ARL15: variants seen among roughly 807,000 people sequenced by gnomAD.
The protein encoded by ARL15 is ADP-ribosylation factor-like protein 15.
Under a neutral mutation model 25.2 loss-of-function variants are expected in ARL15, and 19 were observed. That is an observed-to-expected ratio of 0.75 (90% CI 0.53 to 1.10). The LOEUF (loss-of-function observed/expected upper bound fraction) is 1.10. ARL15 is among the 50% of genes least tolerant of loss of function. The probability of loss-of-function intolerance (pLI) is 0.00; values close to 1 mark genes in which losing one functional copy is unlikely to be tolerated. For synonymous variants in ARL15, 94 were observed against 86.8 expected (o/e 1.08, Z -0.46); for missense variants, 220 against 246.0 (o/e 0.89, Z 0.71).
chr5:53,951,050 G>GA (rs1303276761), intron 4 of ARL15, among the ~76,000 whole-genome samples: 1 of 152,086 alleles, frequency 6.6e-6, no homozygotes, highest in Non-Finnish European at 1.5e-5. Flanking sequence ...ATGGTTGGGG[G>GA]AAAAAAATCA....
At chr5:54,142,737 A>G (rs1171938811) in intron 3 of ARL15, among the ~76,000 whole-genome samples, 1 of 152,186 alleles carries the variant, frequency 6.6e-6, no homozygotes, top group East Asian at 1.9e-4. Flanking sequence ...GGAAGCAAGC[A>G]TCTGACAATA....
At position 54,162,024 on chromosome 5, in the gene ARL15, C is replaced by CACACACACACACACAG. The variant is rs148833900; in HGVS notation, c.194-7386_194-7385insCTGTGTGTGTGTGTGT. Among the ~76,000 whole-genome samples, 7 of 145,428 alleles carry CACACACACACACACAG rather than the reference C, an allele frequency of 4.8e-5. No individual in the cohort carries two copies. The East Asian group carries it at 6.0e-4, about 12-fold the overall frequency. ...ACACACACACACACACACACACACA[C>CACACACACACACACAG]AGAGAGAGATACACACCTGCTATGA... On this transcript the variant is annotated intron_variant, in intron 2 of 4. Coordinates refer to ENST00000504924, the MANE Select transcript of ARL15 (RefSeq NM_019087.3).
intron 1 of ARL15, among the ~76,000 whole-genome samples, chr5:54,177,785 C>T (rs1393880756): frequency 6.6e-6 from 1 of 152,186 alleles, no homozygotes; most frequent in African/African-American, 2.4e-5. Context: ...TTCTATGCCA[C>T]CCTGTTCCTG....
chr5:53,964,081 T>C (rs1396429131), intron 4 of ARL15, among the ~76,000 whole-genome samples: 3 of 152,152 alleles, frequency 2.0e-5, no homozygotes, highest in Non-Finnish European at 4.4e-5. Context: ...TGCAGAATAC[T>C]GAAGCCTTTT....
chr5:54,050,217 C>T (rs965393962), intron 4 of ARL15, among the ~76,000 whole-genome samples: 4 of 152,126 alleles, frequency 2.6e-5, no homozygotes, highest in African/African-American at 7.2e-5. Flanking sequence ...CTGTTTACTT[C>T]GATCTGGTGC....
At chr5:54,088,074 C>T (rs949231824) in intron 4 of ARL15, among the ~76,000 whole-genome samples, 1 of 152,132 alleles carries the variant, frequency 6.6e-6, no homozygotes, top group African/African-American at 2.4e-5. Flanking sequence ...AGGAACTATC[C>T]ATTGAAATTT....
chr5:54,220,884 A>C (rs927060839), intron 1 of ARL15, among the ~76,000 whole-genome samples: 1 of 152,148 alleles, frequency 6.6e-6, no homozygotes, highest in African/African-American at 2.4e-5. Context: ...CCTGGCACTA[A>C]GATAGATAAG....
intron 4 of ARL15, among the ~76,000 whole-genome samples, chr5:54,106,269 T>A (rs1026641488): frequency 4.6e-5 from 7 of 152,148 alleles, no homozygotes; most frequent in African/African-American, 1.7e-4. Context: ...TCAGGTTTGG[T>A]GTTTCAGGAA....
chr5:54,295,223 T>C (rs1254820029), intron 1 of ARL15, among the ~76,000 whole-genome samples: 2 of 152,216 alleles, frequency 1.3e-5, no homozygotes. Flanking sequence ...ACGTGAATAT[T>C]AAGTACACAT....
At chr5:54,269,721 C>T (rs941541936) in intron 1 of ARL15, among the ~76,000 whole-genome samples, 15 of 152,208 alleles carry the variant, frequency 9.9e-5, no homozygotes, top group African/African-American at 3.6e-4. Context: ...TCTCGGCCCA[C>T]TGCAACCTCC....
Position 54,211,377 on chromosome 5 carries a change from T to C in ARL15, c.49-39449A>G, listed in dbSNP as rs541811951. Among the ~76,000 whole-genome samples the C allele has an allele frequency of 1.4e-4, 21 of 152,130 alleles. No individual in the cohort carries two copies. The East Asian group carries it at 2.1e-3, about 15-fold the overall frequency. On this transcript the variant is annotated intron_variant, in intron 1 of 4. Coordinates refer to ENST00000504924, the MANE Select transcript of ARL15 (RefSeq NM_019087.3). Reference sequence around the variant, plus strand: ...CCGAGTGAAAGCCCTGACAATTTTATCTGAGCATTAGAAAATAATTCCTTG... The same window carrying C: ...CCGAGTGAAAGCCCTGACAATTTTACCTGAGCATTAGAAAATAATTCCTTG...
intron 4 of ARL15, among the ~76,000 whole-genome samples, chr5:53,965,341 CAT>C (rs1303860030): frequency 1.3e-5 from 2 of 152,150 alleles, no homozygotes; most frequent in African/African-American, 4.8e-5. Context: ...CTCTGCAACT[CAT>C]AGTGTAAGCA....
chr5:53,965,643 T>TG (rs1488887010), intron 4 of ARL15, among the ~76,000 whole-genome samples: 1 of 150,744 alleles, frequency 6.6e-6, no homozygotes, highest in Non-Finnish European at 1.5e-5. Flanking sequence ...TTTTTCTGTG[T>TG]GGGGGGTTTC....
chr5:54,298,886 T>C (rs370386192), intron 1 of ARL15, among the ~76,000 whole-genome samples: 2 of 58,916 alleles, frequency 3.4e-5, no homozygotes, highest in African/African-American at 1.3e-4. Flanking sequence ...TTGCTGTTGG[T>C]TTTTTGGTTT....
chr5:53,946,992 A>C (rs1480974537), intron 4 of ARL15, among the ~76,000 whole-genome samples: 1 of 152,120 alleles, frequency 6.6e-6, no homozygotes, highest in Admixed American at 6.5e-5. Context: ...GTGGGATCTC[A>C]TTGTTGTAGA....
intron 4 of ARL15, among the ~76,000 whole-genome samples, chr5:54,042,533 C>A (rs918151935): frequency 6.6e-6 from 1 of 152,192 alleles, no homozygotes; most frequent in Non-Finnish European, 1.5e-5. Context: ...TGCAGATTAG[C>A]TCTCTGCCCT....
At chr5:54,029,333 T>TACCACCACCAACACCACCACCACC (rs1749893561) in intron 4 of ARL15, among the ~76,000 whole-genome samples, 3 of 94,664 alleles carry the variant, frequency 3.2e-5, no homozygotes, top group Non-Finnish European at 6.4e-5. Flanking sequence ...CCACCACCAC[T>TACCACCACCAACACCACCACCACC]ACCACCACCA....
At chr5:54,082,863 T>C (rs1459327136) in intron 4 of ARL15, among the ~76,000 whole-genome samples, 1 of 152,198 alleles carries the variant, frequency 6.6e-6, no homozygotes, top group African/African-American at 2.4e-5. Context: ...ATTAAGGAAA[T>C]AGAGGCTGCT....
intron 3 of ARL15, among the ~76,000 whole-genome samples, chr5:54,120,608 T>C (rs1443251858): frequency 1.3e-5 from 2 of 152,210 alleles, no homozygotes; most frequent in Non-Finnish European, 2.9e-5. Context: ...GCTGACTCCT[T>C]AGAAGAACCA....
Sources: allele counts gnomAD v4.1 joint callset (sites outside exome capture counted in the v4.1 genomes callset), GRCh38; gene constraint gnomAD v4.1.1; transcripts MANE v1.5; gene names NCBI Gene and HGNC (gene_info 2026-07-23, HGNC 2026-07-21).